DCC: variants seen among roughly 807,000 people sequenced by gnomAD.
DCC encodes the protein netrin receptor DCC.
Under a neutral mutation model 172.5 loss-of-function variants are expected in DCC, and 58 were observed. That is an observed-to-expected ratio of 0.34 (90% CI 0.27 to 0.42). The LOEUF (loss-of-function observed/expected upper bound fraction) is 0.42. Ranked by LOEUF, DCC falls within the 10% of genes least tolerant of loss-of-function variation. DCC has a pLI of 1.00. For missense variants in DCC, 1,740 were observed against 1,791.0 expected, an observed-to-expected ratio of 0.97 and a Z score of 0.51; for synonymous variants, 709 against 644.5, an observed-to-expected ratio of 1.10 and a Z score of -1.52.
At chr18:52,938,659 A>C (rs1255734847) in intron 5 of DCC, among the ~76,000 whole-genome samples, 1 of 152,142 alleles carries the variant, frequency 6.6e-6, no homozygotes, top group East Asian at 1.9e-4. Flanking sequence ...TTAATCACTC[A>C]CATATATAAT....
chr18:52,952,000 A>C (rs1385570939), intron 5 of DCC, among the ~76,000 whole-genome samples: 1 of 152,174 alleles, frequency 6.6e-6, no homozygotes, highest in East Asian at 1.9e-4. Context: ...CTGGGTCTAT[A>C]GATGTAGATA....
intron 24 of DCC, among the ~76,000 whole-genome samples, chr18:53,464,732 G>A (rs143355406): frequency 3.4e-4 from 52 of 151,964 alleles, no homozygotes; most frequent in Non-Finnish European, 7.1e-4. Context: ...TGTAATCCCA[G>A]CACTTTGGGA....
intron 12 of DCC, among the ~76,000 whole-genome samples, chr18:53,266,032 G>A (rs2056669476): frequency 6.6e-6 from 1 of 151,924 alleles, no homozygotes; most frequent in Admixed American, 6.6e-5. Flanking sequence ...TCTCCCTCTG[G>A]GCCTTGTTTA....
At chr18:52,761,945 GA>G (rs904169140) in intron 2 of DCC, among the ~76,000 whole-genome samples, 2 of 149,648 alleles carry the variant, frequency 1.3e-5, no homozygotes, top group African/African-American at 4.9e-5. Context: ...AAAGAAGAAG[GA>G]AAAAAAAGAA....
At chr18:52,823,541 A>C (rs2038448918) in intron 2 of DCC, among the ~76,000 whole-genome samples, 1 of 150,858 alleles carries the variant, frequency 6.6e-6, no homozygotes, top group Admixed American at 6.6e-5. Context: ...AATGTCAAAG[A>C]ATCTGTCTTG....
chr18:53,514,890 T>C (rs2046314811), intron 27 of DCC, among the ~76,000 whole-genome samples: 1 of 151,796 alleles, frequency 6.6e-6, no homozygotes, highest in South Asian at 2.1e-4. Flanking sequence ...ACTAGTACCA[T>C]TCCTTCTGAA....
intron 25 of DCC, among the ~76,000 whole-genome samples, chr18:53,472,337 T>C (rs1415872866): frequency 6.6e-6 from 1 of 152,182 alleles, no homozygotes; most frequent in Non-Finnish European, 1.5e-5. Context: ...CAGAGTTCAG[T>C]GTTCTTAATC....
intron 1 of DCC, among the ~76,000 whole-genome samples, chr18:52,596,490 T>C (rs2033912486): frequency 6.6e-6 from 1 of 152,114 alleles, no homozygotes; most frequent in Admixed American, 6.6e-5. Context: ...TGGCTAGAAA[T>C]ACAAATTTTA....
At chr18:52,838,500 G>A (rs955350617) in intron 2 of DCC, among the ~76,000 whole-genome samples, 1 of 152,124 alleles carries the variant, frequency 6.6e-6, no homozygotes, top group African/African-American at 2.4e-5. Flanking sequence ...ATGCCGGGGT[G>A]TGGTGGGGGA....
At chr18:53,011,687 G>C (rs2143881160) in intron 5 of DCC, among the ~76,000 whole-genome samples, 1 of 151,752 alleles carries the variant, frequency 6.6e-6, no homozygotes, top group Non-Finnish European at 1.5e-5. Flanking sequence ...TGAATTCATA[G>C]GGATTCTGCA....
intron 14 of DCC, among the ~76,000 whole-genome samples, chr18:53,338,758 A>G (rs2144866498): frequency 6.6e-6 from 1 of 152,352 alleles, no homozygotes; most frequent in Admixed American, 6.5e-5. Context: ...AAGAAAATAT[A>G]TGTCAGGGTG....
chr18:53,132,651 G>T lies in DCC; in HGVS notation c.1262-24705G>T, dbSNP rs62099224. On this transcript the variant is annotated intron_variant, in intron 7 of 28. Coordinates refer to ENST00000442544, the MANE Select transcript of DCC (RefSeq NM_005215.4). ...GCCTCATTGCTTGAGCAGGCATGCG[G>T]CAGTGATGTGAAGAGCAGGAGAGAG... Among the ~76,000 whole-genome samples the T allele has an allele frequency of 9.8e-3, 1,492 of 152,260 alleles. 34 individuals are homozygous for T. The highest frequency in any genetic ancestry group is 0.033 in the African/African-American group (1,386 of 41,552).
rs1471927592 is a variant in DCC, at chr18:52,916,891, T to C, written c.698-6816T>C. On this transcript the variant is annotated intron_variant, in intron 3 of 28. Transcript: ENST00000442544. Reference sequence around the variant, plus strand: ...AATTAAACCAATAATTTTTAAGATTTATAAAAATGGAAAGAACTACCACTA... The same window carrying C: ...AATTAAACCAATAATTTTTAAGATTCATAAAAATGGAAAGAACTACCACTA... Among the ~76,000 whole-genome samples, 3 of 152,214 alleles carry C rather than the reference T, an allele frequency of 2.0e-5. No individual in the cohort carries two copies. In the East Asian group the frequency reaches 5.8e-4, roughly 29 times the overall value.
At chr18:52,837,525 T>G (rs8083955) in intron 2 of DCC, among the ~76,000 whole-genome samples, 66,695 of 151,904 alleles carry the variant, frequency 0.44, 14,837 homozygotes, top group South Asian at 0.55. Flanking sequence ...GAGTGACCTT[T>G]ACTCCAGTTC....
chr18:53,506,902 T>C (rs1477699502), intron 27 of DCC, among the ~76,000 whole-genome samples: 1 of 150,274 alleles, frequency 6.7e-6, no homozygotes, highest in South Asian at 2.1e-4. Context: ...TCAGTGGAAG[T>C]CAGTCAGAGT....
chr18:52,821,587 G>A (rs2038408035), intron 2 of DCC, among the ~76,000 whole-genome samples: 1 of 152,164 alleles, frequency 6.6e-6, no homozygotes, highest in Non-Finnish European at 1.5e-5. Flanking sequence ...CCTCCATTAA[G>A]ACCAATCTCA....
intron 7 of DCC, among the ~76,000 whole-genome samples, chr18:53,145,218 A>G (rs1181018281): frequency 2.1e-5 from 3 of 140,754 alleles, no homozygotes; most frequent in African/African-American, 8.0e-5. Flanking sequence ...GGTTCTCGCC[A>G]TTCTCCTGCC....
Position 52,886,793 on chromosome 18 carries a change from T to G in DCC, c.413-19251T>G, listed in dbSNP as rs554566261. Reference sequence around the variant, plus strand: ...TTTTGGTTCTTCTGATGGTGCTTTTTGGTGCATAGTTGGTTGTTAAAATTT... The same window carrying G: ...TTTTGGTTCTTCTGATGGTGCTTTTGGGTGCATAGTTGGTTGTTAAAATTT... On this transcript the variant is annotated intron_variant, in intron 2 of 28. Transcript: ENST00000442544. Among the ~76,000 whole-genome samples, 10 of 152,310 alleles carry G rather than the reference T, an allele frequency of 6.6e-5. No individual in the cohort carries two copies. In the South Asian group the frequency reaches 2.1e-3, roughly 32 times the overall value.
At chr18:52,915,463 T>C (rs2040027007) in intron 3 of DCC, among the ~76,000 whole-genome samples, 1 of 152,160 alleles carries the variant, frequency 6.6e-6, no homozygotes, top group African/African-American at 2.4e-5. Flanking sequence ...ACACACTCAA[T>C]TAATTTGACC....
Sources: allele counts gnomAD v4.1 joint callset (sites outside exome capture counted in the v4.1 genomes callset), GRCh38; gene constraint gnomAD v4.1.1; transcripts MANE v1.5; gene names NCBI Gene and HGNC (gene_info 2026-07-23, HGNC 2026-07-21).